Variants in FAT3 observed in about 807,000 individuals in gnomAD.
FAT3 encodes the protein FAT atypical cadherin 3, also known as protocadherin Fat 3.
A neutral mutation model predicts 310.2 loss-of-function variants in FAT3; 95 were observed. The observed-to-expected ratio is 0.31, with a 90% CI of 0.26 to 0.36. The LOEUF (loss-of-function observed/expected upper bound fraction) is 0.36. FAT3 is among the 10% of genes least tolerant of loss of function. The pLI is 1.00. For synonymous variants in FAT3, 2,314 were observed against 2,192.9 expected (o/e 1.06, Z -1.54); for missense variants, 5,408 against 5,715.6 (o/e 0.95, Z 1.74).
At chr11:92,416,352 C>G (rs1355466218) in intron 2 of FAT3, among the ~76,000 whole-genome samples, 1 of 150,152 alleles carries the variant, frequency 6.7e-6, no homozygotes, top group Non-Finnish European at 1.5e-5. Flanking sequence ...CCATTGCACT[C>G]CAGCCTGGGC....
intron 3 of FAT3, among the ~76,000 whole-genome samples, chr11:92,621,461 G>A (rs936971302): frequency 6.6e-6 from 1 of 152,168 alleles, no homozygotes; most frequent in Non-Finnish European, 1.5e-5. Flanking sequence ...AGATGTTAAA[G>A]CTTATTCAAC....
chr11:92,337,269 C>T (rs749801478), intron 1 of FAT3, among the ~76,000 whole-genome samples: 2 of 152,058 alleles, frequency 1.3e-5, no homozygotes, highest in East Asian at 1.9e-4. Flanking sequence ...AGTTGATGCC[C>T]GAATTTCTGG....
At position 92,896,030 on chromosome 11, in the gene FAT3, T is replaced by C. The variant is rs1950024323; in HGVS notation, c.*4917T>C. The C allele has an allele frequency of 6.6e-6, 1 of 152,184 alleles. No individual in the cohort carries two copies. Among genetic ancestry groups the C allele is most frequent in the African/African-American group, 2.4e-5 (1 of 41,442 alleles). The allele number at this position is 152,184 out of a possible 1,614,324, so 9.4% of individuals were successfully genotyped here. A position where few individuals can be genotyped will look rare whatever the true frequency, so the allele number is the denominator to read the frequency against. ...TTCTTACTGTTTTCATTTAACTTTC[T>C]CTGTTTTCAAGAAAAATTGTCTTTA... On this transcript the variant is annotated 3_prime_UTR_variant, in exon 28 of 28. Coordinates refer to ENST00000525166, the MANE Select transcript of FAT3 (RefSeq NM_001367949.2).
chr11:92,857,073 C>T, intron 19 of FAT3, 141 bp from the exon 20 acceptor site: 3 of 1,217,738 alleles, frequency 2.5e-6, no homozygotes, highest in Non-Finnish European at 3.5e-6. Flanking sequence ...TTCTGAGTGG[C>T]ATCTTTGTGA....
intron 3 of FAT3, among the ~76,000 whole-genome samples, chr11:92,535,057 C>T (rs1267945995): frequency 1.3e-5 from 2 of 152,040 alleles, no homozygotes; most frequent in African/African-American, 4.8e-5. Context: ...GGCAGGACAC[C>T]TGTCACATGA....
chr11:92,870,980 G>A (rs1591835947), intron 22 of FAT3, among the ~76,000 whole-genome samples: 1 of 152,150 alleles, frequency 6.6e-6, no homozygotes, highest in African/African-American at 2.4e-5. Flanking sequence ...GAGGGGCTAA[G>A]TCGGTAGCCT....
intron 3 of FAT3, among the ~76,000 whole-genome samples, chr11:92,605,614 A>T (rs1477142196): frequency 6.6e-6 from 1 of 152,018 alleles, no homozygotes; most frequent in Non-Finnish European, 1.5e-5. Flanking sequence ...TTCCTCTGAG[A>T]GGGACAAATG....
intron 3 of FAT3, among the ~76,000 whole-genome samples, chr11:92,615,842 C>T (rs1001279186): frequency 1.3e-5 from 2 of 152,152 alleles, no homozygotes; most frequent in African/African-American, 2.4e-5. Context: ...GTCTGAGAGA[C>T]AGTTTGTTAT....
chr11:92,870,434 C>A (rs1949358074), intron 22 of FAT3, among the ~76,000 whole-genome samples: 1 of 151,916 alleles, frequency 6.6e-6, no homozygotes, highest in African/African-American at 2.4e-5. Context: ...CTCTATAAAC[C>A]AACCACAGAG....
intron 2 of FAT3, among the ~76,000 whole-genome samples, chr11:92,394,746 T>A (rs1418938455): frequency 6.6e-6 from 1 of 152,186 alleles, no homozygotes; most frequent in Non-Finnish European, 1.5e-5. Context: ...CTACAGTCTT[T>A]CCATTTTCTT....
intron 20 of FAT3, among the ~76,000 whole-genome samples, chr11:92,858,455 A>C (rs1004693097): frequency 6.6e-6 from 1 of 152,134 alleles, no homozygotes; most frequent in African/African-American, 2.4e-5. Context: ...ATTATTGTCC[A>C]TTTGGTATAT....
chr11:92,369,642 G>A (rs919181894), intron 2 of FAT3, among the ~76,000 whole-genome samples: 6 of 152,124 alleles, frequency 3.9e-5, no homozygotes, highest in African/African-American at 1.4e-4. Flanking sequence ...GAGGTCAAGA[G>A]ATCGAGACCA....
At chr11:92,525,901 A>G (rs1953845282) in intron 3 of FAT3, among the ~76,000 whole-genome samples, 1 of 152,170 alleles carries the variant, frequency 6.6e-6, no homozygotes, top group Non-Finnish European at 1.5e-5. Flanking sequence ...GCTGACCTCA[A>G]GTATTTTATA....
intron 1 of FAT3, among the ~76,000 whole-genome samples, chr11:92,270,740 A>G (rs150557636): frequency 2.5e-3 from 381 of 152,100 alleles, no homozygotes; most frequent in African/African-American, 8.9e-3. Context: ...AAATCTATAT[A>G]TCCAATTGGA....
At chr11:92,576,822 T>C (rs1047814215) in intron 3 of FAT3, among the ~76,000 whole-genome samples, 5 of 152,158 alleles carry the variant, frequency 3.3e-5, no homozygotes, top group Admixed American at 3.3e-4. Flanking sequence ...AAAGAAGAGA[T>C]TAAAGCAGTA....
At chr11:92,727,807 A>G (rs1945043150) in intron 4 of FAT3, among the ~76,000 whole-genome samples, 1 of 152,144 alleles carries the variant, frequency 6.6e-6, no homozygotes, top group Admixed American at 6.5e-5. Context: ...CTCACGGCTT[A>G]CCTGCAGGCT....
At chr11:92,452,059 A>T (rs1376442282) in intron 2 of FAT3, among the ~76,000 whole-genome samples, 1 of 152,212 alleles carries the variant, frequency 6.6e-6, no homozygotes, top group Non-Finnish European at 1.5e-5. Context: ...AGAGAGAAAG[A>T]ACACAATCCA....
intron 2 of FAT3, among the ~76,000 whole-genome samples, chr11:92,447,215 ATG>A (rs369295353): frequency 3.3e-5 from 4 of 122,910 alleles, no homozygotes; most frequent in Non-Finnish European, 5.0e-5. Context: ...GTGTATGTAT[ATG>A]TGTGCGTGTG....
intron 1 of FAT3, chr11:92,336,266 G>C: frequency 1.8e-6 from 1 of 540,612 alleles, no homozygotes; most frequent in South Asian, 1.5e-5. Flanking sequence ...TGGGGTCCTT[G>C]TCATAGCAAT....
Sources: allele counts gnomAD v4.1 joint callset (sites outside exome capture counted in the v4.1 genomes callset), GRCh38; gene constraint gnomAD v4.1.1; transcripts MANE v1.5; gene names NCBI Gene and HGNC (gene_info 2026-07-23, HGNC 2026-07-21).